The following ATRIP variants were observed in gnomAD, a reference collection of about 807,000 sequenced individuals.
ATRIP encodes ATR-interacting protein.
Under a neutral mutation model 78.1 loss-of-function variants are expected in ATRIP, and 44 were observed. The observed-to-expected ratio is 0.56, with a 90% confidence interval of 0.44 to 0.72. The LOEUF is 0.72. Ranked by LOEUF, ATRIP falls within the 30% of genes least tolerant of loss-of-function variation. The pLI, the probability that ATRIP is intolerant of heterozygous loss-of-function variation, is 0.00. For synonymous variants in ATRIP, 388 were observed against 408.9 expected (o/e 0.95, Z 0.62); for missense variants, 927 against 980.2 (o/e 0.95, Z 0.72).
Position 48,447,032 on chromosome 3 carries a change from C to T in ATRIP, c.187C>T (p.Leu63Phe). The change falls in exon 1 of 13, where the codon CTT (leucine) becomes TTT (phenylalanine). Residue 63 changes from leucine (L) to phenylalanine (F), a missense_variant. By Grantham distance (22) the Leu-to-Phe change is conservative. Transcript: ENST00000320211. ...CTTCACTGCCGACGACCTGGAGGAGCTTGACACCCTCGCGTCACAGGCCCT... is the reference window on the plus strand; with the variant it reads ...CTTCACTGCCGACGACCTGGAGGAGTTTGACACCCTCGCGTCACAGGCCCT... ...GDFTADDLEE[L>F]DTLASQALSQ... 3.2e-6 allele frequency: 5 copies of T among 1,564,856 alleles called. No homozygotes were observed. The highest frequency in any genetic ancestry group is 4.3e-6 in the Non-Finnish European group (5 of 1,157,692).
intron 8 of ATRIP, 94 bp from the exon 9 acceptor site, chr3:48,463,651 T>G: frequency 6.5e-7 from 1 of 1,526,772 alleles, no homozygotes; most frequent in South Asian, 1.2e-5. Context: ...CATACTGACT[T>G]GCTCAATTTT....
chr3:48,450,480 T>A (rs2039805378), intron 2 of ATRIP: 1 of 1,282,486 alleles, frequency 7.8e-7, no homozygotes, highest in South Asian at 1.2e-5. Flanking sequence ...ATGGTTGCTA[T>A]TTTCATTAGC....
intron 12 of ATRIP, 81 bp from the exon 13 acceptor site, chr3:48,465,406 C>A: frequency 2.1e-6 from 3 of 1,408,446 alleles, no homozygotes; most frequent in Admixed American, 1.7e-5. Context: ...TTCCTGCGGA[C>A]GTTGGGGGAG....
chr3:48,448,568 G>A (rs984047695), intron 1 of ATRIP, among the ~76,000 whole-genome samples: 13 of 152,370 alleles, frequency 8.5e-5, no homozygotes, highest in Admixed American at 3.9e-4. Context: ...GAAAGGCCCA[G>A]CCTGGTTTGG....
intron 4 of ATRIP, 71 bp downstream of exon 4, chr3:48,454,489 C>A: frequency 1.6e-6 from 2 of 1,235,806 alleles, no homozygotes; most frequent in Non-Finnish European, 2.3e-6. Context: ...CAGTGTCAGG[C>A]TGGTCCTAAA....
Position 48,459,540 on chromosome 3 carries a change from G to A in ATRIP, c.925+86G>A, listed in dbSNP as rs935096615. ...ATTGCCCAGGCCTCTGAGAACCGGT[G>A]CCCCGGGCAGTCCTTCAGAGAGTCC... On this transcript the variant is annotated intron_variant, in intron 6 of 12. Coordinates refer to ENST00000320211, the MANE Select transcript of ATRIP (RefSeq NM_130384.3). 4 of 1,365,292 alleles carry A rather than the reference G, an allele frequency of 2.9e-6. No individual in the cohort carries two copies. In the African/African-American group the frequency reaches 5.8e-5, roughly 20 times the overall value. The allele number at this position is 1,365,292 out of a possible 1,614,324, so 84.6% of individuals were successfully genotyped here. A position where few individuals can be genotyped will look rare whatever the true frequency, so the allele number is the denominator to read the frequency against.
At chr3:48,454,469 A>C (rs753995186) in intron 4 of ATRIP, 51 bp downstream of exon 4, 1 of 1,409,602 alleles carries the variant, frequency 7.1e-7, no homozygotes, top group Non-Finnish European at 1.0e-6. Context: ...TTAGTAAAAA[A>C]TCTGCATAAC....
At position 48,452,870 on chromosome 3, in the gene ATRIP, ATTT is replaced by A. The variant is rs71074246; in HGVS notation, c.552+994_552+996del. Among the ~76,000 whole-genome samples, 816 of 117,448 alleles carry A rather than the reference ATTT, an allele frequency of 6.9e-3. 6 individuals carry two copies. The highest frequency in any genetic ancestry group is 0.025 in the African/African-American group (758 of 30,680). The allele number at this position is 117,448 out of a possible 152,430, so 77.1% of individuals were successfully genotyped here. On this transcript the variant is annotated intron_variant, in intron 3 of 12. Coordinates refer to ENST00000320211, the MANE Select transcript of ATRIP (RefSeq NM_130384.3). ...TAGTCAGAGGTAGGGAAATTATTGA[ATTT>A]TTTTTTTTTTTTTTTTTTTTTTGAG... is the stretch of plus-strand genomic sequence containing the variant.
At position 48,459,717 on chromosome 3, in the gene ATRIP, G is replaced by A. The variant is rs535611753; in HGVS notation, c.926-70G>A. On this transcript the variant is annotated intron_variant, in intron 6 of 12. Transcript: ENST00000320211. The stretch of plus-strand genomic sequence containing the variant: ...AGTTGGCATCCAAAGAATCCTTACT[G>A]TTTCCTTCTGAAAGCCACCGAAAAG... The A allele has an allele frequency of 2.6e-4, 407 of 1,576,856 alleles. 3 individuals are homozygous for A. In the South Asian group the frequency reaches 4.5e-3, roughly 18 times the overall value.
chr3:48,464,942 A>T lies in ATRIP; in HGVS notation c.2167A>T (p.Thr723Ser), dbSNP rs753639732. Residue 723 changes from threonine (T) to serine (S), a missense_variant, in exon 12 of 13, where the codon ACG (threonine) becomes TCG (serine). Coordinates refer to ENST00000320211, the MANE Select transcript of ATRIP (RefSeq NM_130384.3). Reference sequence around the variant, plus strand: ...GCGGACAGTGCGCTGTCTGCGGGACACGGTGCTGCTGCTGCACGGCCTATC... The same window carrying T: ...GCGGACAGTGCGCTGTCTGCGGGACTCGGTGCTGCTGCTGCACGGCCTATC... The part of the protein sequence containing the change: ...QRRTVRCLRD[T>S]VLLLHGLSQK... 1 of 1,614,172 alleles carries T rather than the reference A, an allele frequency of 6.2e-7. No individual in the cohort carries two copies. The highest frequency in any genetic ancestry group is 1.1e-5 in the South Asian group (1 of 91,088).
intron 1 of ATRIP, chr3:48,447,478 A>T (rs1027931391): frequency 1.0e-6 from 1 of 997,002 alleles, no homozygotes; most frequent in Non-Finnish European, 1.2e-6. Flanking sequence ...TATGAAGCCC[A>T]CTGTCTCCCT....
intron 8 of ATRIP, among the ~76,000 whole-genome samples, chr3:48,462,179 T>C (rs931679303): frequency 1.3e-5 from 2 of 151,932 alleles, no homozygotes; most frequent in Non-Finnish European, 2.9e-5. Context: ...TTTTTTTTTT[T>C]TAATTAGCCA....
chr3:48,459,798 A>G lies in ATRIP; in HGVS notation c.937A>G (p.Ile313Val). ...QRSNTQGSILINLLLKQPLIP... is the reference protein window; with the variant it reads ...QRSNTQGSILVNLLLKQPLIP... Reference sequence around the variant, plus strand: ...CTTGTCTTCTGCAGGTTCCATTTTGATAAACCTGCTCCTGAAGCAGCCTTT... The same window carrying G: ...CTTGTCTTCTGCAGGTTCCATTTTGGTAAACCTGCTCCTGAAGCAGCCTTT... The change falls in exon 7 of 13, where the codon ATA becomes GTA. Residue 313 changes from isoleucine (I) to valine (V), a missense_variant. Physicochemically the swap from Ile to Val is conservative, Grantham distance 29. Transcript: ENST00000320211. 6.2e-7 allele frequency: 1 copy of G among 1,611,630 alleles called. No homozygotes were observed. The highest frequency in any genetic ancestry group is 2.2e-5 in the East Asian group (1 of 44,874).
At chr3:48,455,686 T>C (rs1380022109) in intron 4 of ATRIP, among the ~76,000 whole-genome samples, 1 of 151,710 alleles carries the variant, frequency 6.6e-6, no homozygotes, top group Non-Finnish European at 1.5e-5. Flanking sequence ...TAAGTAGAGA[T>C]GGGATTTCAC....
At chr3:48,448,754 A>G (rs1399985334) in intron 1 of ATRIP, among the ~76,000 whole-genome samples, 2 of 152,188 alleles carry the variant, frequency 1.3e-5, no homozygotes, top group Admixed American at 1.3e-4. Context: ...CAGCTCCTTC[A>G]AGTCTTCCCT....
rs2039839646 is a variant in ATRIP, at chr3:48,451,674, T to C, written c.382-55T>C. On this transcript the variant is annotated intron_variant, in intron 2 of 12. Coordinates refer to ENST00000320211, the MANE Select transcript of ATRIP (RefSeq NM_130384.3). The stretch of plus-strand genomic sequence containing the variant: ...TCCCCAACTACATGTTAAAACAAAG[T>C]ACCTAAGTAGTTTTCTCTTACAAAG... 6 of 1,464,424 alleles carry C rather than the reference T, an allele frequency of 4.1e-6. No individual in the cohort carries two copies. The East Asian group carries it at 1.1e-4, about 28-fold the overall frequency. The allele number at this position is 1,464,424 out of a possible 1,614,324, so 90.7% of individuals were successfully genotyped here.
At chr3:48,450,570 T>C in intron 2 of ATRIP, 2 of 1,273,766 alleles carry the variant, frequency 1.6e-6, no homozygotes, top group Non-Finnish European at 2.0e-6. Context: ...ATTTTAGTTG[T>C]GCAAGGTATG....
At position 48,466,812 on chromosome 3, in the gene ATRIP, C is replaced by A. The variant is rs777638105; in HGVS notation, c.*1258C>A. The A allele has an allele frequency of 6.2e-7, 1 of 1,613,970 alleles. No individual in the cohort carries two copies. Among genetic ancestry groups the A allele is most frequent in the South Asian group, 1.1e-5 (1 of 91,082 alleles). On this transcript the variant is annotated 3_prime_UTR_variant, in exon 13 of 13. Coordinates refer to ENST00000320211, the MANE Select transcript of ATRIP (RefSeq NM_130384.3). ...GGAGAGCCCCCCCACCTCTCAGGGG[C>A]CACCTCCCACAGTTCCTCCACCACC...
chr3:48,464,552 C>A, intron 10 of ATRIP, 30 bp from the exon 11 acceptor site: 1 of 1,611,038 alleles, frequency 6.2e-7, no homozygotes, highest in South Asian at 1.1e-5. Flanking sequence ...TCCTTCTGCC[C>A]AGGATGGAAC....
Sources: gnomAD v4.1 joint callset for allele counts (sites outside exome capture counted in the v4.1 genomes callset) on GRCh38, gnomAD v4.1.1 for gene constraint, MANE v1.5 for transcripts, NCBI Gene and HGNC (gene_info 2026-07-23, HGNC 2026-07-21) for gene names.